AGAP1: variants seen among roughly 807,000 people sequenced by gnomAD.
The protein encoded by AGAP1 is ArfGAP with GTPase domain, ankyrin repeat and PH domain 1, also known as arf-GAP with GTPase, ANK repeat and PH domain-containing protein 1.
AGAP1 carries 29 observed loss-of-function variants against 105.3 expected under a neutral mutation model. The observed-to-expected ratio is 0.28, with a 90% CI of 0.21 to 0.38. The LOEUF is 0.38. AGAP1 is among the 10% of genes least tolerant of loss of function. AGAP1 has a pLI of 1.00. For missense variants in AGAP1, 998 were observed against 1,165.1 expected (o/e 0.86, Z 2.09); for synonymous variants, 509 against 485.9 (o/e 1.05, Z -0.63).
Position 236,005,322 on chromosome 2 carries a change from G to A in AGAP1, c.1646-31239G>A, listed in dbSNP as rs2056285346. 6.6e-6 allele frequency among the ~76,000 whole-genome samples: 1 copy of A among 151,686 alleles called. No individual in the cohort carries two copies. The highest frequency in any genetic ancestry group is 1.5e-5 in the Non-Finnish European group (1 of 67,954). On this transcript the variant is annotated intron_variant, in intron 13 of 17. Transcript: ENST00000304032. The surrounding 1 kb of genome is among the most constrained non-coding windows in gnomAD (Gnocchi z 4.1). ...CACCGGCTAATTTTTTTTATTTTTG[G>A]TAGAAACGTTGTTTCACCATGTTGC...
intron 1 of AGAP1, among the ~76,000 whole-genome samples, chr2:235,704,641 T>C (rs1014231815): frequency 1.6e-4 from 25 of 152,176 alleles, no homozygotes; most frequent in African/African-American, 6.0e-4. Context: ...CGAGACTCCG[T>C]CTCAAAAAAG....
intron 2 of AGAP1, 82 bp downstream of exon 2, chr2:235,709,319 G>A (rs1424001344): frequency 2.7e-6 from 4 of 1,467,336 alleles, no homozygotes; most frequent in Non-Finnish European, 3.8e-6. Flanking sequence ...CAGGCAACTG[G>A]TCATCGCCTG....
chr2:235,527,797 G>T (rs992294519), intron 1 of AGAP1, among the ~76,000 whole-genome samples: 2 of 152,174 alleles, frequency 1.3e-5, no homozygotes, highest in Non-Finnish European at 2.9e-5. Context: ...TTTAGTTCTT[G>T]TGTCTGTCAT....
At chr2:236,013,771 A>G (rs1199808237) in intron 13 of AGAP1, among the ~76,000 whole-genome samples, 2 of 152,210 alleles carry the variant, frequency 1.3e-5, no homozygotes, top group African/African-American at 4.8e-5. Flanking sequence ...ACCTGCCTGC[A>G]CGGCAGTCCA....
rs893677039 is a variant in AGAP1 at position 235,553,814 on chromosome 2, C to T, written c.163+58965C>T. On this transcript the variant is annotated intron_variant, in intron 1 of 17. Coordinates refer to ENST00000304032, the MANE Select transcript of AGAP1 (RefSeq NM_001037131.3). The surrounding 1 kb of genome is among the most constrained non-coding windows in gnomAD (Gnocchi z 4.5). ...GGCACTCCTCATGCTGAGCAACTGA[C>T]GTCGTATTTCCACCCGACAATGGCT... is the stretch of plus-strand genomic sequence containing the variant. Among the ~76,000 whole-genome samples, 4 of 152,188 alleles carry T rather than the reference C, an allele frequency of 2.6e-5. No homozygotes were observed. The highest frequency in any genetic ancestry group is 4.4e-5 in the Non-Finnish European group (3 of 68,032).
At chr2:235,749,724 C>T (rs910137445) in intron 5 of AGAP1, among the ~76,000 whole-genome samples, 3 of 152,224 alleles carry the variant, frequency 2.0e-5, no homozygotes, top group Non-Finnish European at 4.4e-5. Flanking sequence ...CCCAAGCCTC[C>T]TGACCTCCTT....
intron 12 of AGAP1, among the ~76,000 whole-genome samples, chr2:235,946,099 T>C (rs1326376631): frequency 1.5e-5 from 2 of 133,378 alleles, no homozygotes; most frequent in African/African-American, 8.3e-5. Flanking sequence ...TATGCATTTT[T>C]CCCCTAATTA....
In AGAP1 at chr2:235,739,855, C is replaced by T. The variant is rs1952471281; in HGVS notation, c.311-1108C>T. On this transcript the variant is annotated intron_variant, in intron 3 of 17. Coordinates refer to ENST00000304032, the MANE Select transcript of AGAP1 (RefSeq NM_001037131.3). This position sits in a 1 kb window ranked among gnomAD's most constrained non-coding sequence, Gnocchi z 5.3. ...GGATTCTAGGAGGGAAGGTTCCCGT[C>T]GCAGGGGAGGGAATCAGACGTCGCT... Among the ~76,000 whole-genome samples the T allele has an allele frequency of 6.6e-6, 1 of 152,180 alleles. No homozygotes were observed. The highest frequency in any genetic ancestry group is 2.1e-4 in the South Asian group (1 of 4,832).
rs1947734766 is a variant in AGAP1, at chr2:235,655,219, G to T, written c.164-53960G>T. Among the ~76,000 whole-genome samples the T allele has an allele frequency of 6.6e-6, 1 of 152,140 alleles. No individual in the cohort carries two copies. The highest frequency in any genetic ancestry group is 6.6e-5 in the Admixed American group (1 of 15,266). On this transcript the variant is annotated intron_variant, in intron 1 of 17. Coordinates refer to ENST00000304032, the MANE Select transcript of AGAP1 (RefSeq NM_001037131.3). This position sits in a 1 kb window ranked among gnomAD's most constrained non-coding sequence, Gnocchi z 4.3. ...TAATTAAATGTACAGAAGCTGGAAG[G>T]TAGACAGGTCGTTGTCTCCATTTTT...
chr2:235,859,223 T>G lies in AGAP1; in HGVS notation c.1051-24122T>G, dbSNP rs150362191. On this transcript the variant is annotated intron_variant, in intron 9 of 17. Transcript: ENST00000304032. ...CCTTGCATTTTTTTTTTAATACATA[T>G]TGTTTCTTTTGTTAACTCCCTCTCC... 8.6e-3 allele frequency among the ~76,000 whole-genome samples: 1,309 copies of G among 152,182 alleles called. 18 individuals carry two copies. The highest frequency in any genetic ancestry group is 0.03 in the African/African-American group (1,249 of 41,524).
chr2:235,681,553 T>C (rs1949074513), intron 1 of AGAP1, among the ~76,000 whole-genome samples: 1 of 152,188 alleles, frequency 6.6e-6, no homozygotes, highest in Admixed American at 6.5e-5. Context: ...CAAAGACCTG[T>C]TAAAGTTTAA....
rs141122468 is a variant in AGAP1, at chr2:235,813,800, A to G, written c.1050+6469A>G. Among the ~76,000 whole-genome samples, 13 of 152,364 alleles carry G rather than the reference A, an allele frequency of 8.5e-5. No homozygotes were observed. The East Asian group carries it at 2.5e-3, about 29-fold the overall frequency. On this transcript the variant is annotated intron_variant, in intron 9 of 17. Coordinates refer to ENST00000304032, the MANE Select transcript of AGAP1 (RefSeq NM_001037131.3). ...GTTCTTGCCTTAGTGTACTGGAAGAATTGGATCACACGTCAGCTTGGAGAA... is the reference window on the plus strand; with the variant it reads ...GTTCTTGCCTTAGTGTACTGGAAGAGTTGGATCACACGTCAGCTTGGAGAA...
chr2:235,604,550 GTTTC>G (rs1365513336), intron 1 of AGAP1, among the ~76,000 whole-genome samples: 8 of 117,616 alleles, frequency 6.8e-5, no homozygotes, highest in Non-Finnish European at 1.3e-4. Context: ...GCACATTCGT[GTTTC>G]TTTTTTATTT....
At chr2:235,897,470 A>G (rs571072321) in intron 10 of AGAP1, among the ~76,000 whole-genome samples, 2 of 152,328 alleles carry the variant, frequency 1.3e-5, no homozygotes, top group African/African-American at 2.4e-5. Flanking sequence ...GTGTGTTTCT[A>G]TAAATAGCAG....
rs536214577 is a variant in AGAP1, at chr2:235,799,708, G to T, written c.957+186G>T. Reference sequence around the variant, plus strand: ...AAGATTTGGATGTTGAGTAGAATGGGAATTTCTTCATGTAGACATTCCTGA... The same window carrying T: ...AAGATTTGGATGTTGAGTAGAATGGTAATTTCTTCATGTAGACATTCCTGA... On this transcript the variant is annotated intron_variant, in intron 8 of 17. Transcript: ENST00000304032. This position sits in a 1 kb window ranked among gnomAD's most constrained non-coding sequence, Gnocchi z 5.0. Among the ~76,000 whole-genome samples, 1 of 152,290 alleles carries T rather than the reference G, an allele frequency of 6.6e-6. No individual in the cohort carries two copies. Among genetic ancestry groups the T allele is most frequent in the South Asian group, 2.1e-4 (1 of 4,822 alleles).
Position 236,001,100 on chromosome 2 carries a change from C to A in AGAP1, c.1645+32477C>A, listed in dbSNP as rs2056101034. Among the ~76,000 whole-genome samples the A allele has an allele frequency of 6.6e-6, 1 of 152,112 alleles. No homozygotes were observed. The highest frequency in any genetic ancestry group is 2.4e-5 in the African/African-American group (1 of 41,412). Reference sequence around the variant, plus strand: ...CTATACAGGAGGGGAGGGGATGGACCCTCAGAGGCGAGACGGACGTACAGG... The same window carrying A: ...CTATACAGGAGGGGAGGGGATGGACACTCAGAGGCGAGACGGACGTACAGG... On this transcript the variant is annotated intron_variant, in intron 13 of 17. Coordinates refer to ENST00000304032, the MANE Select transcript of AGAP1 (RefSeq NM_001037131.3). The surrounding 1 kb of genome is among the most constrained non-coding windows in gnomAD (Gnocchi z 4.7).
chr2:235,804,203 AT>A (rs1957724170), intron 8 of AGAP1, among the ~76,000 whole-genome samples: 1 of 152,234 alleles, frequency 6.6e-6, no homozygotes, highest in South Asian at 2.1e-4. Context: ...ATCTGTGTCC[AT>A]GCTGTAAACT....
intron 9 of AGAP1, 42 bp downstream of exon 9, chr2:235,807,373 A>G (rs1009084335): frequency 2.0e-6 from 3 of 1,537,978 alleles, no homozygotes; most frequent in Non-Finnish European, 2.6e-6. Flanking sequence ...CGCCGGAGAT[A>G]CACCTCAGGT....
At chr2:236,047,411 C>A (rs2057753832) in intron 15 of AGAP1, among the ~76,000 whole-genome samples, 1 of 151,916 alleles carries the variant, frequency 6.6e-6, no homozygotes, top group African/African-American at 2.4e-5. Flanking sequence ...CAGGCCAGGG[C>A]CTCCTCTGTG....
Sources: allele counts gnomAD v4.1 joint callset (sites outside exome capture counted in the v4.1 genomes callset), GRCh38; gene constraint gnomAD v4.1.1; non-coding constraint Gnocchi (gnomAD v3.1); transcripts MANE v1.5; gene names NCBI Gene and HGNC (gene_info 2026-07-23, HGNC 2026-07-21).